The following ABCG5 variants were observed in gnomAD, a reference collection of about 807,000 sequenced individuals.
ABCG5 encodes ATP binding cassette subfamily G member 5, also known as ATP-binding cassette sub-family G member 5.
ABCG5 carries 64 observed loss-of-function variants against 64.5 expected under a neutral mutation model. The ratio of observed to expected loss-of-function variants is 0.99; its 90% confidence interval spans 0.81 to 1.22. The LOEUF (loss-of-function observed/expected upper bound fraction) is 1.22, where lower values mean the gene tolerates loss of function less well. Ranked by LOEUF, ABCG5 falls within the 50% of genes most tolerant of loss-of-function variation. The probability of loss-of-function intolerance (pLI) is 0.00; values close to 1 mark genes in which losing one functional copy is unlikely to be tolerated. For synonymous variants in ABCG5, 385 were observed against 326.3 expected, an observed-to-expected ratio of 1.18 and a Z score of -1.94; for missense variants, 908 against 829.5, an observed-to-expected ratio of 1.09 and a Z score of -1.16.
intron 2 of ABCG5, among the ~76,000 whole-genome samples, chr2:43,833,550 T>A (rs186054273): frequency 2.6e-5 from 4 of 151,518 alleles, no homozygotes; most frequent in Admixed American, 6.6e-5. Flanking sequence ...GCCCAACTAA[T>A]TTTTTTTGTA....
intron 4 of ABCG5, 183 bp from the exon 5 acceptor site, chr2:43,828,298 G>A (rs759583625): frequency 1.5e-5 from 12 of 801,408 alleles, no homozygotes; most frequent in African/African-American, 6.9e-5. Context: ...GGCTTAAATC[G>A]TAATACATGT....
the ABCG5 span, among the ~76,000 whole-genome samples, chr2:43,807,383 G>A: frequency 6.6e-6 from 1 of 152,040 alleles, no homozygotes; most frequent in South Asian, 2.1e-4. Context: ...GAGCATTCCC[G>A]ATTTTAAGGG....
chr2:43,811,600 C>CT (rs796634082), downstream of ABCG5, among the ~76,000 whole-genome samples: 1,472 of 144,294 alleles, frequency 0.01, 25 homozygotes, highest in African/African-American at 0.032. Flanking sequence ...AATACAGAAC[C>CT]TTTTTTTTTT....
chr2:43,819,850 C>A, intron 11 of ABCG5, 65 bp downstream of exon 11: 1 of 1,542,762 alleles, frequency 6.5e-7, no homozygotes, highest in South Asian at 1.1e-5. Flanking sequence ...TTACTTCAGT[C>A]ATTATTAGGT....
At chr2:43,825,063 C>T (rs111587587) in intron 6 of ABCG5, 45 bp from the exon 7 acceptor site, 18 of 1,606,594 alleles carry the variant, frequency 1.1e-5, no homozygotes, top group African/African-American at 8.0e-5. Flanking sequence ...ACAAGGGTAG[C>T]GATGCACTTT....
chr2:43,809,649 C>T, downstream of ABCG5: 4 of 1,259,268 alleles, frequency 3.2e-6, no homozygotes, highest in Non-Finnish European at 3.4e-6. Context: ...TTTTAAGGTG[C>T]CTCCTTGAAT....
intron 5 of ABCG5, among the ~76,000 whole-genome samples, chr2:43,827,732 A>G (rs1008314193): frequency 3.3e-5 from 5 of 152,196 alleles, no homozygotes; most frequent in African/African-American, 1.2e-4. Flanking sequence ...GGAAAACCCC[A>G]ATGGAACACT....
At chr2:43,836,445 A>G (rs968910432) in intron 2 of ABCG5, among the ~76,000 whole-genome samples, 1 of 152,230 alleles carries the variant, frequency 6.6e-6, no homozygotes, top group African/African-American at 2.4e-5. Context: ...TGCAAGCAAT[A>G]GCTCAATCAA....
At chr2:43,820,220 G>T in intron 10 of ABCG5, 120 bp from the exon 11 acceptor site, 2 of 1,186,162 alleles carry the variant, frequency 1.7e-6, no homozygotes, top group Non-Finnish European at 2.4e-6. Context: ...TGCAGGGCAA[G>T]CCACACTCCC....
At chr2:43,823,315 A>G (rs1022952954) in intron 9 of ABCG5, among the ~76,000 whole-genome samples, 1 of 101,360 alleles carries the variant, frequency 9.9e-6, no homozygotes, top group Non-Finnish European at 1.8e-5. Flanking sequence ...TGCATTTTAG[A>G]CTTGCTCTCG....
chr2:43,828,732 G>T (rs184728382), intron 4 of ABCG5, among the ~76,000 whole-genome samples: 259 of 152,104 alleles, frequency 1.7e-3, no homozygotes, highest in African/African-American at 5.9e-3. Flanking sequence ...TTGGGAGGTC[G>T]AGGTGGGTGG....
downstream of ABCG5, chr2:43,809,748 A>T: frequency 1.9e-6 from 3 of 1,612,118 alleles, no homozygotes; most frequent in Non-Finnish European, 2.5e-6. Context: ...TCTTGGAAAC[A>T]AATCGAGCTT....
chr2:43,832,252 G>A, intron 2 of ABCG5, 169 bp from the exon 3 acceptor site: 1 of 861,140 alleles, frequency 1.2e-6, no homozygotes, highest in South Asian at 1.6e-5. Context: ...CCTATGGAAC[G>A]CGCACTGTGC....
downstream of ABCG5, among the ~76,000 whole-genome samples, chr2:43,811,634 C>T (rs570874912): frequency 6.6e-6 from 1 of 150,976 alleles, no homozygotes; most frequent in Admixed American, 6.6e-5. Context: ...CTTGCTCTGT[C>T]GCCAGGCTGG....
intron 2 of ABCG5, among the ~76,000 whole-genome samples, chr2:43,834,964 A>G (rs911837871): frequency 5.9e-5 from 9 of 152,382 alleles, no homozygotes; most frequent in Admixed American, 4.6e-4. Context: ...TTTATGCAAT[A>G]CTATGGAGTA....
At chr2:43,818,780 C>T (rs896807020) in intron 11 of ABCG5, among the ~76,000 whole-genome samples, 21 of 152,328 alleles carry the variant, frequency 1.4e-4, no homozygotes, top group Admixed American at 9.8e-4. Context: ...TATCTCACTT[C>T]GTATAACTCA....
chr2:43,831,821 T>G lies in ABCG5; in HGVS notation c.449A>C (p.Tyr150Ser), dbSNP rs1434648701. Residue 150 changes from tyrosine to serine, a missense_variant, in exon 4 of 13, where the codon TAC (tyrosine) becomes TCC (serine). Transcript: ENST00000405322. The part of the protein sequence containing the change: ...SSLTVRETLH[Y>S]TALLAIRRGN... ...GCGGCGGATGGCCAGCAGCGCGGTG[T>G]AGTGCAGCGTCTCGCGCACGGTGAG... is the stretch of plus-strand genomic sequence containing the variant. The G allele has an allele frequency of 5.7e-6, 9 of 1,589,856 alleles. No homozygotes were observed. The highest frequency in any genetic ancestry group is 7.7e-6 in the Non-Finnish European group (9 of 1,170,318).
At chr2:43,824,780 AAAAC>A in intron 7 of ABCG5, 105 bp downstream of exon 7, 1 of 1,546,208 alleles carries the variant, frequency 6.5e-7, no homozygotes, top group Non-Finnish European at 8.8e-7. Context: ...ATAAAACACA[AAAAC>A]AAAAGCAAAA....
intron 10 of ABCG5, 21 bp from the exon 11 acceptor site, chr2:43,820,121 T>C (rs535362695): frequency 1.3e-5 from 21 of 1,609,450 alleles, no homozygotes; most frequent in Non-Finnish European, 1.8e-5. Flanking sequence ...ATAAGCTCTT[T>C]AGTTTCCTCT....
Sources: gnomAD v4.1 joint callset for allele counts (sites outside exome capture counted in the v4.1 genomes callset) on GRCh38, gnomAD v4.1.1 for gene constraint, MANE v1.5 for transcripts, NCBI Gene and HGNC (gene_info 2026-07-23, HGNC 2026-07-21) for gene names.